Variants in PCDHGA7 observed in about 807,000 individuals in gnomAD.
PCDHGA7 encodes the protein protocadherin gamma subfamily A, 7.
PCDHGA7 carries 44 observed loss-of-function variants against 58.3 expected under a neutral mutation model. That is an observed-to-expected ratio of 0.75 (90% CI 0.59 to 0.97). PCDHGA7 has a LOEUF of 0.97. PCDHGA7 is among the 50% of genes least tolerant of loss of function. PCDHGA7 has a pLI of 0.00. For synonymous variants in PCDHGA7, 516 were observed against 504.2 expected (o/e 1.02, Z -0.31); for missense variants, 1,266 against 1,188.7 (o/e 1.06, Z -0.96).
chr5:141,414,124 G>C, intron 1 of PCDHGA7: 1 of 1,592,872 alleles, frequency 6.3e-7, no homozygotes, highest in Non-Finnish European at 8.6e-7. Context: ...TGAAGAAACC[G>C]GTTTCTATGA....
intron 1 of PCDHGA7, chr5:141,407,957 G>C (rs1166490050): frequency 1.5e-6 from 1 of 660,376 alleles, no homozygotes; most frequent in African/African-American, 1.8e-5. Flanking sequence ...GGCCAGTGCA[G>C]AGCAAGCGCT....
At chr5:141,399,304 T>C (rs756847972) in intron 1 of PCDHGA7, 1 of 1,613,956 alleles carries the variant, frequency 6.2e-7, no homozygotes, top group Admixed American at 1.7e-5. Context: ...GATTATCTCT[T>C]CATCCAAAAA....
chr5:141,506,266 T>A (rs1397052417), intron 3 of PCDHGA7, among the ~76,000 whole-genome samples: 1 of 151,862 alleles, frequency 6.6e-6, no homozygotes, highest in Non-Finnish European at 1.5e-5. Context: ...CTGGCCAACA[T>A]AGTGAAACCC....
Position 141,384,697 on chromosome 5 carries a change from C to A in PCDHGA7, c.1798C>A (p.Gln600Lys). The A allele has an allele frequency of 6.2e-7, 1 of 1,614,142 alleles. No homozygotes were observed. The highest frequency in any genetic ancestry group is 1.1e-5 in the South Asian group (1 of 91,076). Residue 600 changes from glutamine to lysine, a missense_variant, in exon 1 of 4, where the codon CAG becomes AAG. Gln to Lys is a moderately conservative substitution (Grantham distance 53). Transcript: ENST00000518325. ...KVVAVDKDSG[Q>K]NAWLSYLLLK... Reference sequence around the variant, plus strand: ...GGTGGCGGTGGACAAAGATTCAGGCCAGAACGCCTGGCTGTCATACCTCCT... The same window carrying A: ...GGTGGCGGTGGACAAAGATTCAGGCAAGAACGCCTGGCTGTCATACCTCCT...
chr5:141,385,708 A>C (rs1342579594), intron 1 of PCDHGA7: 1 of 259,588 alleles, frequency 3.9e-6, no homozygotes, highest in Non-Finnish European at 6.2e-6. Context: ...TTAGCATTCA[A>C]ATATGTAAAA....
At chr5:141,405,407 C>A (rs1252757330) in intron 1 of PCDHGA7, 3 of 1,582,052 alleles carry the variant, frequency 1.9e-6, no homozygotes, top group Non-Finnish European at 2.6e-6. Flanking sequence ...TCTTTCTTTT[C>A]TTTTTTTGTT....
Position 141,490,241 on chromosome 5 carries a change from G to T in PCDHGA7, c.2425-4566G>T. 2 of 1,614,246 alleles carry T rather than the reference G, an allele frequency of 1.2e-6. No individual in the cohort carries two copies. Among genetic ancestry groups the T allele is most frequent in the Non-Finnish European group, 1.7e-6 (2 of 1,180,048 alleles). On this transcript the variant is annotated intron_variant, in intron 1 of 3. Transcript: ENST00000518325. This position sits in a 1 kb window ranked among gnomAD's most constrained non-coding sequence, Gnocchi z 5.4. Reference sequence around the variant, plus strand: ...GGACAGCCTGCCATGGAGGGCCACTGTGTGATTCAAGTGGATGTGGGGGAT... The same window carrying T: ...GGACAGCCTGCCATGGAGGGCCACTTTGTGATTCAAGTGGATGTGGGGGAT...
At chr5:141,502,231 G>A (rs2099813372) in intron 2 of PCDHGA7, among the ~76,000 whole-genome samples, 1 of 152,172 alleles carries the variant, frequency 6.6e-6, no homozygotes, top group Non-Finnish European at 1.5e-5. Context: ...TGTTCTGTGT[G>A]TTCTTTTATC....
intron 1 of PCDHGA7, among the ~76,000 whole-genome samples, chr5:141,407,336 G>A (rs1005803062): frequency 6.6e-6 from 1 of 152,240 alleles, no homozygotes; most frequent in Admixed American, 6.5e-5. Flanking sequence ...ATATTGAAAT[G>A]TATGTTAATT....
In PCDHGA7 at chr5:141,383,918, TA is replaced by T; in HGVS notation, c.1022del (p.Asn341MetfsTer7). On this transcript the variant is annotated frameshift_variant, in exon 1 of 4. Transcript: ENST00000518325. LOFTEE classifies it high-confidence loss of function. ...AAAGTACTGATCACAGTTTTAGATG[TA>T]AATGATAATGCTCCAGAAGTGACTA... ...KAKVLITVLD[V>X]NDNAPEVTMT... 6.2e-7 allele frequency: 1 copy of T among 1,613,948 alleles called. No individual in the cohort carries two copies. Among genetic ancestry groups the T allele is most frequent in the Non-Finnish European group, 8.5e-7 (1 of 1,179,864 alleles).
chr5:141,439,226 G>A (rs1337835258), intron 1 of PCDHGA7, among the ~76,000 whole-genome samples: 1 of 151,442 alleles, frequency 6.6e-6, no homozygotes, highest in African/African-American at 2.4e-5. Flanking sequence ...AAAATTCTTA[G>A]AAGCTTCCTA....
intron 1 of PCDHGA7, chr5:141,389,105 T>C (rs1394118929): frequency 1.9e-6 from 3 of 1,614,018 alleles, no homozygotes; most frequent in East Asian, 2.2e-5. Context: ...CAGATGCTGT[T>C]CTAGACCGCG....
At chr5:141,479,633 T>TAACAAC (rs749744124) in intron 1 of PCDHGA7, 1 of 152,114 alleles carries the variant, frequency 6.6e-6, no homozygotes, top group Admixed American at 6.5e-5. Flanking sequence ...TCTTTAACAA[T>TAACAAC]AACAACAACA....
intron 2 of PCDHGA7, among the ~76,000 whole-genome samples, chr5:141,501,110 G>A (rs1373404247): frequency 2.6e-5 from 4 of 151,908 alleles, no homozygotes; most frequent in Admixed American, 6.6e-5. Flanking sequence ...CTCGTGATCC[G>A]CCTGCCTCAG....
intron 1 of PCDHGA7, chr5:141,393,118 G>A: frequency 3.7e-6 from 6 of 1,613,472 alleles, no homozygotes; most frequent in Non-Finnish European, 5.1e-6. Flanking sequence ...AGCCCGCGGT[G>A]TCTGATAAAT....
chr5:141,422,239 G>C (rs2096636040), intron 1 of PCDHGA7: 3 of 1,566,586 alleles, frequency 1.9e-6, no homozygotes, highest in East Asian at 4.5e-5. Context: ...GTTGATCACT[G>C]TTGTGGATGT....
intron 1 of PCDHGA7, among the ~76,000 whole-genome samples, chr5:141,482,875 C>T (rs2099573976): frequency 6.6e-6 from 1 of 151,958 alleles, no homozygotes; most frequent in African/African-American, 2.4e-5. Context: ...AGTTTGAAAC[C>T]AGCCTGGCCA....
intron 1 of PCDHGA7, chr5:141,398,187 C>G (rs1329117309): frequency 5.8e-5 from 86 of 1,481,250 alleles, no homozygotes; most frequent in Non-Finnish European, 7.6e-5. Context: ...TCTTTCTCTT[C>G]CTGCTGTCTT....
At position 141,491,823 on chromosome 5, in the gene PCDHGA7, C is replaced by G; in HGVS notation, c.2425-2984C>G. Reference sequence around the variant, plus strand: ...GCCGGCTTGGTCGCTGGCTGCGCTCCACCCGATTCTCGGGATCATTGGACC... The same window carrying G: ...GCCGGCTTGGTCGCTGGCTGCGCTCGACCCGATTCTCGGGATCATTGGACC... On this transcript the variant is annotated intron_variant, in intron 1 of 3. Transcript: ENST00000518325. The surrounding 1 kb of genome is among the most constrained non-coding windows in gnomAD (Gnocchi z 6.9). The G allele has an allele frequency of 6.8e-7, 1 of 1,479,156 alleles. No individual in the cohort carries two copies. Among genetic ancestry groups the G allele is most frequent in the Non-Finnish European group, 9.0e-7 (1 of 1,115,292 alleles). 91.6% of individuals were successfully genotyped at this position (1,479,156 alleles called of 1,614,324 possible). A position where few individuals can be genotyped will look rare whatever the true frequency, so the allele number is the denominator to read the frequency against.
Sources: gnomAD v4.1 joint callset for allele counts (sites outside exome capture counted in the v4.1 genomes callset) on GRCh38, gnomAD v4.1.1 for gene constraint, Gnocchi (gnomAD v3.1) non-coding constraint, MANE v1.5 for transcripts, NCBI Gene and HGNC (gene_info 2026-07-23, HGNC 2026-07-21) for gene names.